The following UBAP2 variants were observed in gnomAD, a reference collection of about 807,000 sequenced individuals.
UBAP2 encodes the protein ubiquitin-associated protein 2.
UBAP2 carries 75 observed loss-of-function variants against 139.6 expected under a neutral mutation model. The observed-to-expected ratio is 0.54, with a 90% confidence interval of 0.45 to 0.65. UBAP2 has a LOEUF of 0.65. Among genes scored for constraint, UBAP2 ranks in the 30% least tolerant of loss-of-function variants. The pLI, the probability that UBAP2 is intolerant of heterozygous loss-of-function variation, is 0.00. For synonymous variants in UBAP2, 526 were observed against 526.2 expected (o/e 1.00, Z 0.01); for missense variants, 1,368 against 1,369.6 (o/e 1.00, Z 0.02).
chr9:33,960,930 C>A (rs1189644661), intron 9 of UBAP2, 52 bp from the exon 10 acceptor site: 1 of 1,564,716 alleles, frequency 6.4e-7, no homozygotes, highest in South Asian at 1.1e-5. Flanking sequence ...CAAATACAGT[C>A]TCAGTCCAAA....
intron 17 of UBAP2, 109 bp from the exon 18 acceptor site, chr9:33,933,737 A>C: frequency 6.8e-7 from 1 of 1,475,880 alleles, no homozygotes; most frequent in East Asian, 2.3e-5. Context: ...CTCAGTTGAG[A>C]CGTCCATAAA....
chr9:33,959,713 A>T (rs1029764673), intron 10 of UBAP2, among the ~76,000 whole-genome samples: 2 of 152,228 alleles, frequency 1.3e-5, no homozygotes, highest in East Asian at 1.9e-4. Flanking sequence ...AATTTTTTTT[A>T]AAAAAAGGTT....
intron 1 of UBAP2, among the ~76,000 whole-genome samples, chr9:34,039,899 C>T (rs7870328): frequency 0.6 from 87,948 of 146,742 alleles, 26,800 homozygotes; most frequent in East Asian, 0.81. Flanking sequence ...TGGCTCACGT[C>T]TGTAATCCCA....
At chr9:34,036,111 CTT>C (rs1054292288) in intron 1 of UBAP2, among the ~76,000 whole-genome samples, 19 of 151,320 alleles carry the variant, frequency 1.3e-4, no homozygotes, top group African/African-American at 4.6e-4. Flanking sequence ...GAATTTGATA[CTT>C]TTTTCTTTTT....
chr9:33,978,527 C>G (rs1564042118), intron 6 of UBAP2, among the ~76,000 whole-genome samples: 1 of 152,114 alleles, frequency 6.6e-6, no homozygotes, highest in Admixed American at 6.6e-5. Flanking sequence ...AATCCTAGCA[C>G]TTTACGAGGC....
At chr9:33,959,860 C>G (rs531348249) in intron 10 of UBAP2, among the ~76,000 whole-genome samples, 11 of 152,172 alleles carry the variant, frequency 7.2e-5, no homozygotes, top group African/African-American at 2.6e-4. Context: ...ATCTGGGCAA[C>G]AGTGTCAGCT....
chr9:34,014,088 C>A (rs1450280595), intron 2 of UBAP2, among the ~76,000 whole-genome samples: 1 of 151,038 alleles, frequency 6.6e-6, no homozygotes, highest in African/African-American at 2.4e-5. Flanking sequence ...CTTGGGAGAT[C>A]AAGGGGGGGA....
At chr9:33,981,756 A>AAGGT (rs1217531290) in intron 6 of UBAP2, among the ~76,000 whole-genome samples, 32 of 146,358 alleles carry the variant, frequency 2.2e-4, no homozygotes, top group South Asian at 4.5e-4. Context: ...GGAAGGATGG[A>AAGGT]AGGTAGGTAG....
chr9:34,001,431 T>C (rs1822692054), intron 2 of UBAP2, among the ~76,000 whole-genome samples: 1 of 152,230 alleles, frequency 6.6e-6, no homozygotes, highest in African/African-American at 2.4e-5. Flanking sequence ...AAGCTCTGAT[T>C]GGTGAGTGAA....
chr9:33,931,973 C>CT (rs902091491), intron 19 of UBAP2, among the ~76,000 whole-genome samples: 9 of 152,116 alleles, frequency 5.9e-5, no homozygotes, highest in African/African-American at 2.2e-4. Flanking sequence ...CTCCTCCCTC[C>CT]TCTCCATCTC....
chr9:33,937,628 C>G (rs1359132593), intron 16 of UBAP2, among the ~76,000 whole-genome samples: 1 of 139,978 alleles, frequency 7.1e-6, no homozygotes, highest in African/African-American at 2.7e-5. Flanking sequence ...AAAAATTAAG[C>G]TGGGCACAAT....
At chr9:34,010,112 T>G (rs1174572987) in intron 2 of UBAP2, among the ~76,000 whole-genome samples, 3 of 77,538 alleles carry the variant, frequency 3.9e-5, no homozygotes, top group Non-Finnish European at 5.0e-5. Context: ...CAGCCCGAGG[T>G]CCTGTCTATT....
chr9:33,978,249 G>GT (rs1202307925), intron 6 of UBAP2, among the ~76,000 whole-genome samples: 1 of 151,858 alleles, frequency 6.6e-6, no homozygotes. Flanking sequence ...AAATTTAAAC[G>GT]TAAGCTGGGT....
chr9:33,980,044 T>C (rs1187951958), intron 6 of UBAP2, among the ~76,000 whole-genome samples: 2 of 151,396 alleles, frequency 1.3e-5, no homozygotes, highest in East Asian at 2.0e-4. Context: ...CTGCACTCAC[T>C]CCAGCCTGGG....
intron 1 of UBAP2, among the ~76,000 whole-genome samples, chr9:34,028,183 C>A (rs938731453): frequency 6.6e-6 from 1 of 151,894 alleles, no homozygotes; most frequent in African/African-American, 2.4e-5. Flanking sequence ...ATGGATATAA[C>A]CTGCCCATGG....
intron 6 of UBAP2, among the ~76,000 whole-genome samples, chr9:33,984,508 ATT>A (rs35777214): frequency 7.4e-5 from 11 of 149,392 alleles, no homozygotes; most frequent in African/African-American, 2.5e-4. Context: ...TAAAAAAAAA[ATT>A]TTTTTTTTTC....
At chr9:33,984,995 A>ACT (rs1382961897) in intron 6 of UBAP2, among the ~76,000 whole-genome samples, 3 of 152,214 alleles carry the variant, frequency 2.0e-5, no homozygotes, top group African/African-American at 7.2e-5. Context: ...GGAAAAGGGA[A>ACT]CTCTCATACA....
chr9:34,027,302 G>A (rs926629816), intron 1 of UBAP2, among the ~76,000 whole-genome samples: 8 of 151,818 alleles, frequency 5.3e-5, no homozygotes, highest in African/African-American at 1.9e-4. Context: ...CCAACATAGT[G>A]AAACCCTACC....
intron 6 of UBAP2, among the ~76,000 whole-genome samples, chr9:33,975,449 A>AAAC (rs1554685771): frequency 0.031 from 4,533 of 146,562 alleles, 177 homozygotes; most frequent in East Asian, 0.087. Flanking sequence ...AAAAAACAAA[A>AAAC]AAAAAACCAA....
Sources: gnomAD v4.1 joint callset for allele counts (sites outside exome capture counted in the v4.1 genomes callset) on GRCh38, gnomAD v4.1.1 for gene constraint, MANE v1.5 for transcripts, NCBI Gene and HGNC (gene_info 2026-07-23, HGNC 2026-07-21) for gene names.